DNAH11: variants seen among roughly 807,000 people sequenced by gnomAD.
The protein encoded by DNAH11 is dynein axonemal heavy chain 11, also known as axonemal beta dynein heavy chain 11.
DNAH11 carries 442 observed loss-of-function variants against 526.0 expected under a neutral mutation model. The observed-to-expected ratio is 0.84, with a 90% CI of 0.78 to 0.91. The LOEUF (loss-of-function observed/expected upper bound fraction) is 0.91, where lower values mean the gene tolerates loss of function less well. DNAH11 is among the 40% of genes least tolerant of loss of function. The probability of loss-of-function intolerance (pLI) is 0.00; values close to 1 mark genes in which losing one functional copy is unlikely to be tolerated. For synonymous variants in DNAH11, 2,461 were observed against 1,935.9 expected (o/e 1.27, Z -7.12); for missense variants, 6,989 against 5,448.7 (o/e 1.28, Z -8.90).
At chr7:21,769,559 A>G (rs1787333715) in intron 55 of DNAH11, among the ~76,000 whole-genome samples, 1 of 151,546 alleles carries the variant, frequency 6.6e-6, no homozygotes, top group Non-Finnish European at 1.5e-5. Context: ...ATCTCGGCTC[A>G]CTGCAACTTC....
rs112985926 is a variant in DNAH11, at chr7:21,614,176, G to C, written c.3853-938G>C. Among the ~76,000 whole-genome samples, 511 of 152,298 alleles carry C rather than the reference G, an allele frequency of 3.4e-3. 8 individuals are homozygous for C. Among genetic ancestry groups the C allele is most frequent in the African/African-American group, 0.011 (475 of 41,564 alleles). On this transcript the variant is annotated intron_variant, in intron 20 of 81. Coordinates refer to ENST00000409508, the MANE Select transcript of DNAH11 (RefSeq NM_001277115.2). ...GGTTGATGGAACATAAAAGCATTAA[G>C]TATAGGTATTTAAAGTTCAAAGAAA...
At chr7:21,569,832 T>G (rs1783814099) in intron 6 of DNAH11, among the ~76,000 whole-genome samples, 2 of 152,246 alleles carry the variant, frequency 1.3e-5, no homozygotes, top group African/African-American at 2.4e-5. Context: ...TTTAGTCATT[T>G]GCTAGAATGT....
At chr7:21,852,368 C>T (rs186255053) in intron 66 of DNAH11, 99 bp from the exon 67 acceptor site, 6 of 1,278,236 alleles carry the variant, frequency 4.7e-6, no homozygotes, top group Non-Finnish European at 6.3e-6. Context: ...GATCATACCA[C>T]TGTACTCCAG....
At chr7:21,621,198 A>G (rs1375482921) in intron 25 of DNAH11, among the ~76,000 whole-genome samples, 5 of 152,170 alleles carry the variant, frequency 3.3e-5, no homozygotes, top group South Asian at 2.1e-4. Flanking sequence ...AAACACCTCT[A>G]TGCAAATAAA....
chr7:21,597,389 T>G (rs1247980236), intron 14 of DNAH11, among the ~76,000 whole-genome samples: 1 of 152,124 alleles, frequency 6.6e-6, no homozygotes, highest in African/African-American at 2.4e-5. Flanking sequence ...ATTAGGTCTT[T>G]GTTTTCATGT....
chr7:21,565,602 G>A (rs918779382), intron 6 of DNAH11, among the ~76,000 whole-genome samples: 2 of 152,142 alleles, frequency 1.3e-5, no homozygotes, highest in African/African-American at 4.8e-5. Flanking sequence ...AGATAGAGTG[G>A]TGTGTGGGAA....
At chr7:21,771,327 G>A (rs1787425386) in intron 55 of DNAH11, among the ~76,000 whole-genome samples, 2 of 152,078 alleles carry the variant, frequency 1.3e-5, no homozygotes, top group Non-Finnish European at 2.9e-5. Flanking sequence ...TGACCTCTGG[G>A]TATTGGTTTA....
intron 30 of DNAH11, among the ~76,000 whole-genome samples, chr7:21,680,021 G>C (rs1395213193): frequency 6.6e-6 from 1 of 152,180 alleles, no homozygotes; most frequent in Non-Finnish European, 1.5e-5. Context: ...TCAGCAACGT[G>C]CTTAGTCAGT....
At chr7:21,850,037 T>A (rs1782563966) in intron 66 of DNAH11, among the ~76,000 whole-genome samples, 1 of 151,728 alleles carries the variant, frequency 6.6e-6, no homozygotes, top group Non-Finnish European at 1.5e-5. Flanking sequence ...CTTGTCACTG[T>A]GTCTAGTTTA....
intron 52 of DNAH11, among the ~76,000 whole-genome samples, chr7:21,749,354 T>C (rs565064722): frequency 2.6e-5 from 4 of 152,346 alleles, no homozygotes; most frequent in African/African-American, 9.6e-5. Flanking sequence ...AGCAGGCTTC[T>C]TTTTACGGCC....
chr7:21,549,631 A>T (rs1432970555), intron 2 of DNAH11, among the ~76,000 whole-genome samples: 1 of 152,066 alleles, frequency 6.6e-6, no homozygotes, highest in African/African-American at 2.4e-5. Flanking sequence ...CTCAATGGTG[A>T]TGAGTATAGG....
intron 55 of DNAH11, among the ~76,000 whole-genome samples, chr7:21,772,807 A>G (rs2127978472): frequency 6.6e-6 from 1 of 152,318 alleles, no homozygotes; most frequent in African/African-American, 2.4e-5. Flanking sequence ...GACATTGTTC[A>G]GGAGCAGTTG....
At chr7:21,672,399 C>T (rs28633328) in intron 30 of DNAH11, among the ~76,000 whole-genome samples, 5,251 of 152,264 alleles carry the variant, frequency 0.034, 291 homozygotes, top group African/African-American at 0.12. Flanking sequence ...AGTCCTCCTG[C>T]CTCAGCCTCC....
chr7:21,708,940 A>T (rs1219567413), intron 40 of DNAH11, among the ~76,000 whole-genome samples: 1 of 152,172 alleles, frequency 6.6e-6, no homozygotes, highest in Admixed American at 6.5e-5. Context: ...TCAAATGATG[A>T]TGGTGAGGCT....
chr7:21,831,064 A>G (rs779341129), intron 65 of DNAH11, among the ~76,000 whole-genome samples: 7 of 152,208 alleles, frequency 4.6e-5, no homozygotes, highest in African/African-American at 9.7e-5. Flanking sequence ...CGTGTGATGC[A>G]GTGACAAGGG....
chr7:21,873,552 A>C, intron 74 of DNAH11, 51 bp downstream of exon 74: 1 of 1,565,826 alleles, frequency 6.4e-7, no homozygotes, highest in South Asian at 1.1e-5. Context: ...GTCATCTCAC[A>C]AGACTGTGGG....
chr7:21,744,782 A>G (rs1583652293), intron 50 of DNAH11, 88 bp from the exon 51 acceptor site: 1 of 1,496,456 alleles, frequency 6.7e-7, no homozygotes, highest in East Asian at 2.4e-5. Context: ...GTGGGTCTGC[A>G]AGCTTTTCCC....
At chr7:21,732,314 A>T (rs1458386672) in intron 45 of DNAH11, among the ~76,000 whole-genome samples, 2 of 152,096 alleles carry the variant, frequency 1.3e-5, no homozygotes, top group African/African-American at 4.8e-5. Flanking sequence ...TGTGGGTTCA[A>T]ATTTTCTTAT....
At chr7:21,810,163 A>G (rs1219220523) in intron 63 of DNAH11, among the ~76,000 whole-genome samples, 1 of 152,236 alleles carries the variant, frequency 6.6e-6, no homozygotes, top group Non-Finnish European at 1.5e-5. Flanking sequence ...AAATTTGAAA[A>G]TTCAAACCCA....
Sources: gnomAD v4.1 joint callset for allele counts (sites outside exome capture counted in the v4.1 genomes callset) on GRCh38, gnomAD v4.1.1 for gene constraint, MANE v1.5 for transcripts, NCBI Gene and HGNC (gene_info 2026-07-23, HGNC 2026-07-21) for gene names.